Variants in ADAMTSL1 observed in about 807,000 individuals in gnomAD.
The protein encoded by ADAMTSL1 is ADAMTS like 1, also known as ADAMTS-like protein 1.
A neutral mutation model predicts 201.8 loss-of-function variants in ADAMTSL1; 126 were observed. The observed-to-expected ratio is 0.62, with a 90% confidence interval of 0.54 to 0.72. The LOEUF is 0.72. ADAMTSL1 is among the 30% of genes least tolerant of loss of function. ADAMTSL1 has a pLI of 0.00. For missense variants in ADAMTSL1, 2,679 were observed against 2,277.8 expected (o/e 1.18, Z -3.59); for synonymous variants, 1,121 against 903.4 (o/e 1.24, Z -4.32).
intron 16 of ADAMTSL1, among the ~76,000 whole-genome samples, chr9:18,766,098 C>T (rs919138896): frequency 6.6e-6 from 1 of 152,034 alleles, no homozygotes; most frequent in African/African-American, 2.4e-5. Context: ...GGGGGGGTGT[C>T]GTAAAATATA....
At chr9:18,278,850 T>C (rs1035264738) in intron 2 of ADAMTSL1, among the ~76,000 whole-genome samples, 1 of 152,132 alleles carries the variant, frequency 6.6e-6, no homozygotes, top group African/African-American at 2.4e-5. Flanking sequence ...TCTTTTTCTT[T>C]CTCTCTTTTT....
At chr9:18,535,815 T>C (rs190045152) in intron 3 of ADAMTSL1, among the ~76,000 whole-genome samples, 2 of 152,268 alleles carry the variant, frequency 1.3e-5, no homozygotes, top group Admixed American at 1.3e-4. Flanking sequence ...TCAGATCTTG[T>C]GAGAACTTAC....
At chr9:18,290,868 G>T (rs1833231023) in intron 2 of ADAMTSL1, among the ~76,000 whole-genome samples, 1 of 149,340 alleles carries the variant, frequency 6.7e-6, no homozygotes, top group Non-Finnish European at 1.5e-5. Context: ...TACAAGCTCT[G>T]CCTCCCAGGT....
In ADAMTSL1 at chr9:18,129,930, C is replaced by A. The variant is rs532680889; in HGVS notation, c.88-33932C>A. On this transcript the variant is annotated intron_variant, in intron 1 of 29. Transcript: ENST00000680146. Reference sequence around the variant, plus strand: ...TTAACTGAGAAGATGCTTTTAGTAACTGGTCCTTGTCTGCACTTGTTACTC... The same window carrying A: ...TTAACTGAGAAGATGCTTTTAGTAAATGGTCCTTGTCTGCACTTGTTACTC... Among the ~76,000 whole-genome samples, 3 of 152,278 alleles carry A rather than the reference C, an allele frequency of 2.0e-5. No individual in the cohort carries two copies. The South Asian group carries it at 6.2e-4, about 32-fold the overall frequency.
At chr9:18,392,622 T>C (rs565934031) in intron 2 of ADAMTSL1, among the ~76,000 whole-genome samples, 24 of 152,362 alleles carry the variant, frequency 1.6e-4, no homozygotes, top group African/African-American at 5.8e-4. Context: ...TGTGTGTACA[T>C]GTTCAAACAA....
chr9:17,938,244 C>T (rs565180366), intron 1 of ADAMTSL1, among the ~76,000 whole-genome samples: 1 of 152,088 alleles, frequency 6.6e-6, no homozygotes, highest in Admixed American at 6.6e-5. Context: ...GGAGGCGTAA[C>T]AGTCCTGTAA....
chr9:17,940,518 G>T (rs1487179722), intron 1 of ADAMTSL1, among the ~76,000 whole-genome samples: 1 of 151,942 alleles, frequency 6.6e-6, no homozygotes, highest in African/African-American at 2.4e-5. Flanking sequence ...CCAATTTAGG[G>T]TGGGCAGATA....
At chr9:18,012,162 A>G (rs1477727497) in intron 1 of ADAMTSL1, among the ~76,000 whole-genome samples, 1 of 152,054 alleles carries the variant, frequency 6.6e-6, no homozygotes, top group African/African-American at 2.4e-5. Flanking sequence ...CCACCATGGC[A>G]GTGTCTCCCC....
At chr9:18,764,497 T>C (rs1380692293) in intron 16 of ADAMTSL1, among the ~76,000 whole-genome samples, 11 of 152,240 alleles carry the variant, frequency 7.2e-5, no homozygotes. Flanking sequence ...CCTTCTCTTG[T>C]CTTACTGCTC....
chr9:18,532,860 C>A (rs1268522466), intron 2 of ADAMTSL1, among the ~76,000 whole-genome samples: 1 of 151,436 alleles, frequency 6.6e-6, no homozygotes, highest in Non-Finnish European at 1.5e-5. Flanking sequence ...TCCATTAATT[C>A]CAATTTATTT....
intron 9 of ADAMTSL1, among the ~76,000 whole-genome samples, chr9:18,666,819 A>G (rs1387883726): frequency 1.3e-5 from 2 of 152,186 alleles, no homozygotes; most frequent in Non-Finnish European, 2.9e-5. Context: ...AAGCAGCTTT[A>G]GATGTAAAAT....
intron 7 of ADAMTSL1, among the ~76,000 whole-genome samples, chr9:18,654,801 T>G (rs758403346): frequency 6.6e-6 from 1 of 152,246 alleles, no homozygotes. Flanking sequence ...TTCCATGTTA[T>G]TCTCTCCCTA....
chr9:18,396,966 T>C (rs1374198231), intron 2 of ADAMTSL1, among the ~76,000 whole-genome samples: 1 of 150,636 alleles, frequency 6.6e-6, no homozygotes, highest in East Asian at 1.9e-4. Flanking sequence ...TATGCCTCTT[T>C]ATATCGTAAC....
intron 2 of ADAMTSL1, among the ~76,000 whole-genome samples, chr9:18,183,310 A>G (rs568472088): frequency 6.6e-6 from 1 of 152,326 alleles, no homozygotes; most frequent in Non-Finnish European, 1.5e-5. Flanking sequence ...CCTAGATGAC[A>G]TTGGGTGTAG....
rs545148992 is a variant in ADAMTSL1 at position 18,824,037 on chromosome 9, G to A, written c.3935-2247G>A. 4.2e-5 allele frequency among the ~76,000 whole-genome samples: 6 copies of A among 142,140 alleles called. No homozygotes were observed. In the East Asian group the frequency reaches 7.8e-4, roughly 18 times the overall value. The allele number at this position is 142,140 out of a possible 152,430, so 93.2% of individuals were successfully genotyped here. A position where few individuals can be genotyped will look rare whatever the true frequency, so the allele number is the denominator to read the frequency against. ...GGAAGGAAAGAAGGAAGGAAGGAACGAAGGAAGGAAGGAAGGAAGGAAGGG... is the reference window on the plus strand; with the variant it reads ...GGAAGGAAAGAAGGAAGGAAGGAACAAAGGAAGGAAGGAAGGAAGGAAGGG... On this transcript the variant is annotated intron_variant, in intron 21 of 28. Coordinates refer to ENST00000380548, the MANE Select transcript of ADAMTSL1 (RefSeq NM_001040272.6).
chr9:17,997,946 C>G (rs1228403423), intron 1 of ADAMTSL1, among the ~76,000 whole-genome samples: 1 of 151,990 alleles, frequency 6.6e-6, no homozygotes, highest in Non-Finnish European at 1.5e-5. Context: ...TTACTGTTAC[C>G]TGGAATGGCT....
intron 23 of ADAMTSL1, among the ~76,000 whole-genome samples, chr9:18,881,531 C>G (rs1175569132): frequency 6.6e-6 from 1 of 152,128 alleles, no homozygotes; most frequent in Admixed American, 6.5e-5. Flanking sequence ...TTTATATGAG[C>G]ATGGTTCATG....
chr9:18,652,365 CAAAAAA>C (rs34900718), intron 7 of ADAMTSL1, among the ~76,000 whole-genome samples: 1 of 94,962 alleles, frequency 1.1e-5, no homozygotes. Context: ...AACTCCATCT[CAAAAAA>C]AAAAAAAAAA....
rs11330901 is a variant in ADAMTSL1 at position 18,819,455 on chromosome 9, C to CAA, written c.3934+2233_3934+2234dup. Among the ~76,000 whole-genome samples, 839 of 132,298 alleles carry CAA rather than the reference C, an allele frequency of 6.3e-3. 8 individuals carry two copies. The highest frequency in any genetic ancestry group is 0.02 in the African/African-American group (703 of 35,482). The allele number at this position is 132,298 out of a possible 152,430, so 86.8% of individuals were successfully genotyped here. On this transcript the variant is annotated intron_variant, in intron 21 of 28. Transcript: ENST00000380548. Reference sequence around the variant, plus strand: ...TGGGCAATAGAGCAAGACTCTGTCTCAAAAAAAAAAAAAAAATAGGGGAGG... The same window carrying CAA: ...TGGGCAATAGAGCAAGACTCTGTCTCAAAAAAAAAAAAAAAAAATAGGGGAGG...
Sources: allele counts gnomAD v4.1 joint callset (sites outside exome capture counted in the v4.1 genomes callset), GRCh38; gene constraint gnomAD v4.1.1; transcripts MANE v1.5; gene names NCBI Gene and HGNC (gene_info 2026-07-23, HGNC 2026-07-21).